TENM2: variants seen among roughly 807,000 people sequenced by gnomAD.
The protein encoded by TENM2 is teneurin transmembrane protein 2, also known as teneurin-2.
Under a neutral mutation model 245.2 loss-of-function variants are expected in TENM2, and 52 were observed. The ratio of observed to expected loss-of-function variants is 0.21; its 90% CI spans 0.17 to 0.27. The LOEUF is 0.27. Ranked by LOEUF, TENM2 falls within the 10% of genes least tolerant of loss-of-function variation. TENM2 has a pLI of 1.00. For missense variants in TENM2, 3,046 were observed against 3,666.8 expected (o/e 0.83, Z 4.37); for synonymous variants, 1,363 against 1,438.9 (o/e 0.95, Z 1.19).
At chr5:167,944,239 C>T (rs774159097) in intron 3 of TENM2, among the ~76,000 whole-genome samples, 5 of 152,174 alleles carry the variant, frequency 3.3e-5, no homozygotes, top group East Asian at 1.9e-4. Flanking sequence ...GCACCCAGTT[C>T]GAGTCCCCTT....
chr5:167,215,355 G>A, the TENM2 span, among the ~76,000 whole-genome samples: 1 of 152,174 alleles, frequency 6.6e-6, no homozygotes, highest in Non-Finnish European at 1.5e-5. Context: ...TAACGTGCGG[G>A]CAAAATTGAA....
chr5:167,600,082 T>TTTCATTATG (rs1277021753), intron 2 of TENM2, among the ~76,000 whole-genome samples: 4 of 20,016 alleles, frequency 2.0e-4, no homozygotes, highest in African/African-American at 2.7e-4. Context: ...GGAGGCGGAG[T>TTTCATTATG]TTGCTTCATT....
rs115641553 is a variant in TENM2 at position 168,227,850 on chromosome 5, G to A, written c.5285-45G>A. The A allele has an allele frequency of 9.8e-4, 1,243 of 1,265,558 alleles. 8 individuals carry two copies. The African/African-American group carries it at 0.016, about 16-fold the overall frequency. The allele number at this position is 1,265,558 out of a possible 1,614,324, so 78.4% of individuals were successfully genotyped here. ...TCTATTCTCTTCTGACTAATAGAGC[G>A]GATAATTTATTTCCCTATCCCCACC... On this transcript the variant is annotated intron_variant, in intron 24 of 28. Transcript: ENST00000518659.
Position 167,429,381 on chromosome 5 carries a change from G to A in TENM2, c.502+53908G>A, listed in dbSNP as rs1283939630. On this transcript the variant is annotated intron_variant, in intron 2 of 28. Transcript: ENST00000518659. ...ATTAATCCATCCAAAATTACTTACT[G>A]CACATCTCCTCTGTGCCAGGCCCTG... 2.0e-5 allele frequency among the ~76,000 whole-genome samples: 3 copies of A among 152,212 alleles called. No individual in the cohort carries two copies. In the East Asian group the frequency reaches 5.8e-4, roughly 29 times the overall value.
chr5:167,209,158 A>G, the TENM2 span, among the ~76,000 whole-genome samples: 3 of 152,224 alleles, frequency 2.0e-5, no homozygotes, highest in Non-Finnish European at 2.9e-5. Flanking sequence ...TGAAAATAAC[A>G]CTACCTACTT....
At chr5:167,340,694 TATG>T (rs921562953) in intron 1 of TENM2, among the ~76,000 whole-genome samples, 3 of 152,250 alleles carry the variant, frequency 2.0e-5, no homozygotes, top group African/African-American at 7.2e-5. Context: ...ATATATTTTT[TATG>T]AAGATTGACT....
intron 12 of TENM2, among the ~76,000 whole-genome samples, chr5:168,144,543 GTGTATATGTGCC>G (rs1755868914): frequency 6.6e-6 from 1 of 151,700 alleles, no homozygotes; most frequent in South Asian, 2.1e-4. Flanking sequence ...GTATTCCATG[GTGTATATGTGCC>G]ACATTTTCTT....
chr5:167,712,599 T>G (rs1350500368), intron 2 of TENM2, among the ~76,000 whole-genome samples: 1 of 152,248 alleles, frequency 6.6e-6, no homozygotes, highest in Admixed American at 6.5e-5. Context: ...TAACCATTTC[T>G]TTCTTAGTTT....
intron 2 of TENM2, among the ~76,000 whole-genome samples, chr5:167,439,151 G>A (rs1764745174): frequency 6.6e-6 from 1 of 152,178 alleles, no homozygotes; most frequent in Admixed American, 6.5e-5. Context: ...TTCAAAGGAG[G>A]CAGAGGTGAT....
chr5:168,002,142 GAA>G (rs1431951898), intron 5 of TENM2, among the ~76,000 whole-genome samples: 3 of 152,292 alleles, frequency 2.0e-5, no homozygotes, highest in Non-Finnish European at 4.4e-5. Context: ...CCATGGATGA[GAA>G]GAGAGGAGAA....
rs1198202431 is a variant in TENM2 at position 168,204,295 on chromosome 5, C to G, written c.3575-77C>G. 2.0e-6 allele frequency: 3 copies of G among 1,478,634 alleles called. No homozygotes were observed. The African/African-American group carries it at 4.2e-5, about 21-fold the overall frequency. The allele number at this position is 1,478,634 out of a possible 1,614,324, so 91.6% of individuals were successfully genotyped here. Reference sequence around the variant, plus strand: ...TGAAGATTCCTAATTTGTCTCTTCCCCTCCCTCCCAGTTGGCCAATACACA... The same window carrying G: ...TGAAGATTCCTAATTTGTCTCTTCCGCTCCCTCCCAGTTGGCCAATACACA... On this transcript the variant is annotated intron_variant, in intron 18 of 28. Coordinates refer to ENST00000518659, the Ensembl canonical transcript of TENM2.
intron 2 of TENM2, among the ~76,000 whole-genome samples, chr5:167,591,122 G>A (rs1055005926): frequency 1.3e-5 from 2 of 152,176 alleles, no homozygotes; most frequent in East Asian, 1.9e-4. Context: ...TTTGTAAGAT[G>A]TAACCCATAG....
At chr5:167,308,905 G>T (rs1755846263) in intron 1 of TENM2, among the ~76,000 whole-genome samples, 1 of 152,146 alleles carries the variant, frequency 6.6e-6, no homozygotes, top group South Asian at 2.1e-4. Context: ...GGGGGTGAAG[G>T]TTAGGGAGGG....
intron 3 of TENM2, among the ~76,000 whole-genome samples, chr5:167,914,026 T>C (rs1776741392): frequency 6.6e-6 from 1 of 152,218 alleles, no homozygotes; most frequent in Non-Finnish European, 1.5e-5. Flanking sequence ...TTTTATTGTA[T>C]GTGTATAGAA....
chr5:167,099,417 C>T, the TENM2 span, among the ~76,000 whole-genome samples: 15 of 152,106 alleles, frequency 9.9e-5, no homozygotes, highest in Admixed American at 3.3e-4. Context: ...TAAAACAGGC[C>T]GGGTGCAGTG....
At position 167,931,562 on chromosome 5, in the gene TENM2, A is replaced by G. The variant is rs1027295495; in HGVS notation, c.713-21026A>G. 2.0e-5 allele frequency among the ~76,000 whole-genome samples: 3 copies of G among 151,872 alleles called. 1 individual carries two copies. Among genetic ancestry groups the G allele is most frequent in the African/African-American group, 4.8e-5 (2 of 41,398 alleles). ...CCATAAACCCATTGGAAAAAAAAAA[A>G]AAAAAAAAACAAGAAACATCTCTTG... On this transcript the variant is annotated intron_variant, in intron 3 of 28. Transcript: ENST00000518659.
the TENM2 span, among the ~76,000 whole-genome samples, chr5:167,085,836 A>G: frequency 1.3e-5 from 2 of 152,214 alleles, no homozygotes; most frequent in Non-Finnish European, 2.9e-5. Flanking sequence ...TTAAGATTGG[A>G]CATGCCTACA....
chr5:168,207,871 A>G (rs1040147205), intron 19 of TENM2, among the ~76,000 whole-genome samples: 1 of 152,106 alleles, frequency 6.6e-6, no homozygotes, highest in African/African-American at 2.4e-5. Flanking sequence ...AGTTCTATAC[A>G]CTTAAATAAC....
At chr5:168,246,904 C>G in exon 27 of TENM2, 2 of 1,614,030 alleles carry the variant, frequency 1.2e-6, no homozygotes, top group Non-Finnish European at 1.7e-6. Context: ...TATTTACAAC[C>G]CGCCTGAAAG....
Sources: allele counts gnomAD v4.1 joint callset (sites outside exome capture counted in the v4.1 genomes callset), GRCh38; gene constraint gnomAD v4.1.1; transcripts MANE v1.5; gene names NCBI Gene and HGNC (gene_info 2026-07-23, HGNC 2026-07-21).